The following CXADR variants were observed in gnomAD, a reference collection of about 807,000 sequenced individuals.
CXADR encodes CXADR cell adhesion molecule, also known as coxsackievirus and adenovirus receptor.
CXADR carries 20 observed loss-of-function variants against 40.3 expected under a neutral mutation model. That is an observed-to-expected ratio of 0.50 (90% CI 0.35 to 0.72). The LOEUF is 0.72. Among genes scored for constraint, CXADR ranks in the 30% least tolerant of loss-of-function variants. The probability of loss-of-function intolerance (pLI) is 0.01; values close to 1 mark genes in which losing one functional copy is unlikely to be tolerated. For synonymous variants in CXADR, 150 were observed against 161.3 expected (o/e 0.93, Z 0.53); for missense variants, 332 against 449.1 (o/e 0.74, Z 2.36).
At chr21:17,601,515 C>T in the CXADR span, among the ~76,000 whole-genome samples, 1 of 152,158 alleles carries the variant, frequency 6.6e-6, no homozygotes, top group African/African-American at 2.4e-5. Flanking sequence ...CACAGCAAGA[C>T]CCTCTCTCTA....
In CXADR at chr21:17,542,696, A is replaced by G. The variant is rs1032328961; in HGVS notation, c.44-4331A>G. ...TACTTGCAGCTTAATAATGTGCCGC[A>G]TATTTTATCACATCCTGAATTATAA... On this transcript the variant is annotated intron_variant, in intron 1 of 6. Transcript: ENST00000284878. Among the ~76,000 whole-genome samples the G allele has an allele frequency of 7.9e-5, 12 of 152,390 alleles. No individual in the cohort carries two copies. The East Asian group carries it at 1.7e-3, about 22-fold the overall frequency.
chr21:17,532,505 G>T (rs2060691401), intron 1 of CXADR, among the ~76,000 whole-genome samples: 1 of 108,836 alleles, frequency 9.2e-6, no homozygotes, highest in African/African-American at 2.5e-5. Context: ...ATATCCTGTT[G>T]CAGCTCCCCA....
At chr21:17,574,310 T>A (rs2249720), downstream of CXADR, among the ~76,000 whole-genome samples, 130,303 of 152,136 alleles carry the variant, frequency 0.86, 55,886 homozygotes, top group South Asian at 0.9. Context: ...ATCAGTTTTT[T>A]ATTTACCCTT....
chr21:17,538,555 C>T (rs570068389), intron 1 of CXADR, among the ~76,000 whole-genome samples: 1 of 152,132 alleles, frequency 6.6e-6, no homozygotes, highest in Non-Finnish European at 1.5e-5. Context: ...CCTGTAATTC[C>T]AGCACTTTGG....
chr21:17,552,345 A>G (rs2060979304), intron 3 of CXADR, among the ~76,000 whole-genome samples: 2 of 152,208 alleles, frequency 1.3e-5, no homozygotes, highest in South Asian at 2.1e-4. Context: ...GAAATATGGA[A>G]GAAGGAATAT....
At chr21:17,586,881 C>G (rs914095538) in intron 7 of CXADR, among the ~76,000 whole-genome samples, 1 of 152,062 alleles carries the variant, frequency 6.6e-6, no homozygotes, top group Non-Finnish European at 1.5e-5. Flanking sequence ...AATGCTGTCC[C>G]TCCTCCCTCC....
intron 1 of CXADR, among the ~76,000 whole-genome samples, chr21:17,542,599 A>G (rs766579696): frequency 5.9e-5 from 9 of 152,208 alleles, no homozygotes; most frequent in Non-Finnish European, 7.3e-5. Context: ...CACTGCCAAT[A>G]TGGGATGTGG....
chr21:17,600,955 C>A, the CXADR span, among the ~76,000 whole-genome samples: 24 of 148,798 alleles, frequency 1.6e-4, no homozygotes, highest in Non-Finnish European at 3.1e-4. Flanking sequence ...TGAGGTCAGG[C>A]GTTCGAGGCC....
the CXADR span, among the ~76,000 whole-genome samples, chr21:17,636,249 C>G: frequency 2.0e-5 from 3 of 152,164 alleles, no homozygotes; most frequent in African/African-American, 7.2e-5. Flanking sequence ...AGATTTATGT[C>G]TCCCTTTCCA....
intron 1 of CXADR, among the ~76,000 whole-genome samples, chr21:17,515,251 C>T (rs1366554199): frequency 1.3e-5 from 2 of 151,878 alleles, no homozygotes; most frequent in African/African-American, 4.8e-5. Context: ...GGCAACATGG[C>T]GAGACCGCAT....
downstream of CXADR, among the ~76,000 whole-genome samples, chr21:17,571,209 T>A (rs1158728602): frequency 1.3e-5 from 2 of 152,230 alleles, no homozygotes; most frequent in African/African-American, 4.8e-5. Context: ...ATACCACTTA[T>A]TACTAGTTGC....
chr21:17,579,824 T>C (rs2061347826), intron 7 of CXADR, among the ~76,000 whole-genome samples: 1 of 152,036 alleles, frequency 6.6e-6, no homozygotes, highest in Non-Finnish European at 1.5e-5. Context: ...GCAGAGTAAG[T>C]GCTCAATAAA....
chr21:17,589,451 T>G (rs2061419577), intron 7 of CXADR, among the ~76,000 whole-genome samples: 1 of 152,060 alleles, frequency 6.6e-6, no homozygotes, highest in Admixed American at 6.6e-5. Flanking sequence ...ATATAAAAAT[T>G]TAAAGATCAA....
the CXADR span, chr21:17,614,109 A>AC: frequency 6.6e-6 from 1 of 151,740 alleles, no homozygotes; most frequent in Admixed American, 6.6e-5. Context: ...TTGTAAAAAA[A>AC]AAAAATTATA....
In CXADR at chr21:17,519,658, A is replaced by G. The variant is rs568045860; in HGVS notation, c.43+6486A>G. Among the ~76,000 whole-genome samples the G allele has an allele frequency of 3.9e-5, 6 of 152,282 alleles. No individual in the cohort carries two copies. In the South Asian group the frequency reaches 1.2e-3, roughly 32 times the overall value. On this transcript the variant is annotated intron_variant, in intron 1 of 6. Transcript: ENST00000284878. ...TCCCTTAAATGTCAGCCTTCCTTAT[A>G]GTTTAGCCCATAGTCAATCTTGACC...
chr21:17,513,217 G>A, intron 1 of CXADR, 45 bp downstream of exon 1: 2 of 1,347,106 alleles, frequency 1.5e-6, no homozygotes, highest in Non-Finnish European at 1.9e-6. Flanking sequence ...CAGCCCGGGG[G>A]CGCTCGCTGC....
the CXADR span, among the ~76,000 whole-genome samples, chr21:17,602,448 A>G: frequency 6.6e-6 from 1 of 152,188 alleles, no homozygotes; most frequent in African/African-American, 2.4e-5. Context: ...TATACTTGCT[A>G]GATCAGCTTT....
Position 17,513,178 on chromosome 21 carries a change from T to C in CXADR, c.43+6T>C. 7.3e-7 allele frequency: 1 copy of C among 1,364,010 alleles called. No individual in the cohort carries two copies. The highest frequency in any genetic ancestry group is 9.5e-7 in the Non-Finnish European group (1 of 1,055,444). The allele number at this position is 1,364,010 out of a possible 1,614,324, so 84.5% of individuals were successfully genotyped here. On this transcript the variant is annotated splice_donor_region_variant and intron_variant, in intron 1 of 6. Coordinates refer to ENST00000284878, the MANE Select transcript of CXADR (RefSeq NM_001338.5). ...GCTCCTGTGCGGAGTAGTGGGTGAG[T>C]AGGGGCCATGGGGTCCTCAGCACCC...
the CXADR span, among the ~76,000 whole-genome samples, chr21:17,626,102 G>A: frequency 6.6e-6 from 1 of 152,110 alleles, no homozygotes; most frequent in South Asian, 2.1e-4. Context: ...ACCTTATGCA[G>A]TCTTTTCGGT....
Sources: allele counts gnomAD v4.1 joint callset (sites outside exome capture counted in the v4.1 genomes callset), GRCh38; gene constraint gnomAD v4.1.1; transcripts MANE v1.5; gene names NCBI Gene and HGNC (gene_info 2026-07-23, HGNC 2026-07-21).